SERGEF: variants seen among roughly 807,000 people sequenced by gnomAD.
SERGEF encodes the protein secretion regulating guanine nucleotide exchange factor.
A neutral mutation model predicts 50.0 loss-of-function variants in SERGEF; 51 were observed. The observed-to-expected ratio is 1.02, with a 90% confidence interval of 0.81 to 1.29. The LOEUF is 1.29. SERGEF is among the 50% of genes most tolerant of loss of function. SERGEF has a pLI of 0.00. For missense variants in SERGEF, 521 were observed against 557.0 expected (o/e 0.94, Z 0.65); for synonymous variants, 205 against 212.4 (o/e 0.97, Z 0.30).
chr11:17,917,148 A>C (rs1210019319), intron 9 of SERGEF, among the ~76,000 whole-genome samples: 1 of 152,260 alleles, frequency 6.6e-6, no homozygotes, highest in Admixed American at 6.5e-5. Flanking sequence ...TTGCAATTGC[A>C]AAACTATGGA....
chr11:17,906,960 G>T (rs1359597158), intron 9 of SERGEF, among the ~76,000 whole-genome samples: 1 of 151,972 alleles, frequency 6.6e-6, no homozygotes. Flanking sequence ...TCCAAGTCTT[G>T]GGCCCTAGAT....
chr11:17,896,873 G>GT (rs1227768787), intron 9 of SERGEF, among the ~76,000 whole-genome samples: 3 of 10,990 alleles, frequency 2.7e-4, no homozygotes, highest in Non-Finnish European at 5.8e-4. Context: ...GAAGGGAAGG[G>GT]AAGGGAAGGG....
rs111428102 is a variant in SERGEF, at chr11:17,965,261, T to C, written c.845-5625A>G. On this transcript the variant is annotated intron_variant, in intron 8 of 10. Transcript: ENST00000265965. ...CCCTGCTGGCTCTCATTCTCTCTGCTGCCGCCCTATGAAGGGGTGCCTTCT... is the reference window on the plus strand; with the variant it reads ...CCCTGCTGGCTCTCATTCTCTCTGCCGCCGCCCTATGAAGGGGTGCCTTCT... Among the ~76,000 whole-genome samples, 1,171 of 152,342 alleles carry C rather than the reference T, an allele frequency of 7.7e-3. 19 individuals are homozygous for C. Among genetic ancestry groups the C allele is most frequent in the African/African-American group, 0.027 (1,117 of 41,564 alleles).
At chr11:17,824,733 G>GT (rs1438997925) in intron 10 of SERGEF, among the ~76,000 whole-genome samples, 1 of 152,128 alleles carries the variant, frequency 6.6e-6, no homozygotes, top group Non-Finnish European at 1.5e-5. Flanking sequence ...GCAATTCCTA[G>GT]TGTCTCTTCT....
intron 10 of SERGEF, among the ~76,000 whole-genome samples, chr11:17,849,273 C>G (rs1049824026): frequency 6.6e-6 from 1 of 152,196 alleles, no homozygotes; most frequent in African/African-American, 2.4e-5. Flanking sequence ...CATGAAGTAT[C>G]TCTTGTTCTC....
intron 10 of SERGEF, among the ~76,000 whole-genome samples, chr11:17,848,002 A>C (rs1281195215): frequency 1.3e-5 from 2 of 152,248 alleles, no homozygotes; most frequent in African/African-American, 4.8e-5. Flanking sequence ...CACAATGCAT[A>C]GTCATTATAA....
intron 9 of SERGEF, among the ~76,000 whole-genome samples, chr11:17,898,693 C>T (rs1420861760): frequency 6.6e-6 from 1 of 152,164 alleles, no homozygotes; most frequent in African/African-American, 2.4e-5. Context: ...AAAAGAAAAA[C>T]AACTCTTCCA....
intron 10 of SERGEF, among the ~76,000 whole-genome samples, chr11:17,853,366 T>C (rs935819028): frequency 6.6e-6 from 1 of 152,192 alleles, no homozygotes; most frequent in African/African-American, 2.4e-5. Context: ...TGCTCCTGTA[T>C]TTCCCAAGGC....
chr11:17,882,578 T>C (rs1277499009), intron 9 of SERGEF, among the ~76,000 whole-genome samples: 1 of 152,190 alleles, frequency 6.6e-6, no homozygotes, highest in East Asian at 1.9e-4. Flanking sequence ...GATCAGACTG[T>C]GCATGTGTTA....
intron 10 of SERGEF, among the ~76,000 whole-genome samples, chr11:17,857,433 G>T (rs1372471265): frequency 1.3e-5 from 2 of 152,190 alleles, no homozygotes; most frequent in East Asian, 3.9e-4. Context: ...TCCCAGACTA[G>T]AAGCATATAC....
intron 10 of SERGEF, among the ~76,000 whole-genome samples, chr11:17,822,147 C>A (rs1350160646): frequency 6.6e-6 from 1 of 152,150 alleles, no homozygotes. Context: ...TCAGGCTGGG[C>A]CTCTGGGACT....
At chr11:17,912,337 A>G (rs2133931227) in intron 9 of SERGEF, among the ~76,000 whole-genome samples, 1 of 152,308 alleles carries the variant, frequency 6.6e-6, no homozygotes. Flanking sequence ...GAAATGATAT[A>G]ATTTTTCTTT....
rs961026262 is a variant in SERGEF at position 17,829,027 on chromosome 11, T to C, written c.1049-40614A>G. Among the ~76,000 whole-genome samples, 13 of 152,198 alleles carry C rather than the reference T, an allele frequency of 8.5e-5. No homozygotes were observed. The East Asian group carries it at 9.6e-4, about 11-fold the overall frequency. On this transcript the variant is annotated intron_variant, in intron 10 of 10. Transcript: ENST00000265965. ...GAAGATACATTTATACTTTGAAAAA[T>C]TGTTACTTTCTTCCTTCTTCACAAC...
chr11:17,953,987 C>T (rs529764685), intron 9 of SERGEF, among the ~76,000 whole-genome samples: 163 of 152,294 alleles, frequency 1.1e-3, no homozygotes, highest in African/African-American at 3.8e-3. Flanking sequence ...CCAGTGAAAC[C>T]ATCTTTGGGT....
intron 10 of SERGEF, among the ~76,000 whole-genome samples, chr11:17,818,029 T>C (rs913559330): frequency 6.6e-6 from 1 of 152,202 alleles, no homozygotes; most frequent in African/African-American, 2.4e-5. Flanking sequence ...CATCTTTCCC[T>C]AAGACGGACA....
chr11:17,798,773 C>G (rs1849611054), intron 10 of SERGEF, among the ~76,000 whole-genome samples: 1 of 152,340 alleles, frequency 6.6e-6, no homozygotes, highest in Non-Finnish European at 1.5e-5. Flanking sequence ...CTCTTGAGGG[C>G]CTACTATGAT....
intron 9 of SERGEF, among the ~76,000 whole-genome samples, chr11:17,948,898 A>G (rs543152333): frequency 6.6e-6 from 1 of 152,328 alleles, no homozygotes; most frequent in South Asian, 2.1e-4. Context: ...TGAGTCTTGG[A>G]TGACACCAGA....
intron 10 of SERGEF, among the ~76,000 whole-genome samples, chr11:17,845,683 T>G (rs1215032729): frequency 6.6e-6 from 1 of 152,186 alleles, no homozygotes; most frequent in Non-Finnish European, 1.5e-5. Context: ...TACAAATGAC[T>G]AAGACTGATA....
chr11:17,946,329 A>G (rs1852661487), intron 9 of SERGEF, among the ~76,000 whole-genome samples: 1 of 152,230 alleles, frequency 6.6e-6, no homozygotes, highest in Non-Finnish European at 1.5e-5. Flanking sequence ...AAACGGAAGA[A>G]TAATAATCCC....
Sources: gnomAD v4.1 joint callset for allele counts (sites outside exome capture counted in the v4.1 genomes callset) on GRCh38, gnomAD v4.1.1 for gene constraint, MANE v1.5 for transcripts, NCBI Gene and HGNC (gene_info 2026-07-23, HGNC 2026-07-21) for gene names.